The following LARP1B variants were observed in gnomAD, a reference collection of about 807,000 sequenced individuals.
The protein encoded by LARP1B is la-related protein 1B.
LARP1B carries 76 observed loss-of-function variants against 114.2 expected under a neutral mutation model. That is an observed-to-expected ratio of 0.67 (90% CI 0.55 to 0.81). The LOEUF (loss-of-function observed/expected upper bound fraction) is 0.81, where lower values mean the gene tolerates loss of function less well. Among genes scored for constraint, LARP1B ranks in the 30% least tolerant of loss-of-function variants. LARP1B has a pLI of 0.00. For synonymous variants in LARP1B, 345 were observed against 348.0 expected, an observed-to-expected ratio of 0.99 and a Z score of 0.10; for missense variants, 1,014 against 1,075.8, an observed-to-expected ratio of 0.94 and a Z score of 0.80.
chr4:128,077,362 G>A (rs1367203971), intron 3 of LARP1B, among the ~76,000 whole-genome samples: 1 of 151,924 alleles, frequency 6.6e-6, no homozygotes, highest in African/African-American at 2.4e-5. Flanking sequence ...TTAGCCAGGT[G>A]TGGTGACATG....
At chr4:128,103,251 A>G (rs1477633595) in intron 8 of LARP1B, among the ~76,000 whole-genome samples, 1 of 152,064 alleles carries the variant, frequency 6.6e-6, no homozygotes, top group Non-Finnish European at 1.5e-5. Context: ...TTATGGCCTG[A>G]GTGATGAATG....
At chr4:128,219,779 AAAACTT>A (rs1465479935) in intron 6 of LARP1B, among the ~76,000 whole-genome samples, 1 of 150,442 alleles carries the variant, frequency 6.6e-6, no homozygotes, top group Non-Finnish European at 1.5e-5. Context: ...CATGTACCCT[AAAACTT>A]AAAGTATAAT....
rs1758912194 is a variant in LARP1B at position 128,211,176 on chromosome 4, T to C, written c.*1123T>C. On this transcript the variant is annotated 3_prime_UTR_variant, in exon 20 of 20. Transcript: ENST00000326639. ...TTAATTATTTTTATTTAGAATATAG[T>C]TGAAAAGCTGTAATATTCAGTTTTG... The C allele has an allele frequency of 5.4e-6, 5 of 922,932 alleles. 1 individual carries two copies. In the South Asian group the frequency reaches 2.5e-4, roughly 46 times the overall value. 57.2% of individuals were successfully genotyped at this position (922,932 alleles called of 1,614,324 possible).
intron 14 of LARP1B, 128 bp downstream of exon 14, chr4:128,178,770 T>C (rs1747303784): frequency 3.7e-6 from 3 of 805,142 alleles, no homozygotes; most frequent in Admixed American, 2.9e-5. Context: ...TTAAAAATCA[T>C]ACTTTACCAT....
chr4:128,084,047 C>G (rs955389579), intron 5 of LARP1B, among the ~76,000 whole-genome samples: 1 of 152,034 alleles, frequency 6.6e-6, no homozygotes, highest in Non-Finnish European at 1.5e-5. Flanking sequence ...CAGAGACGCT[C>G]CTCACTTCCC....
chr4:128,166,617 A>G (rs904551042), intron 12 of LARP1B, among the ~76,000 whole-genome samples: 3 of 151,702 alleles, frequency 2.0e-5, no homozygotes, highest in African/African-American at 7.3e-5. Context: ...AAAAATACCA[A>G]ATATAATATA....
intron 12 of LARP1B, among the ~76,000 whole-genome samples, chr4:128,170,197 T>C (rs970881084): frequency 2.0e-5 from 3 of 152,210 alleles, no homozygotes; most frequent in African/African-American, 7.2e-5. Context: ...ATTTTAAAAT[T>C]TAAAATTAAT....
At chr4:128,208,958 G>A (rs1758331577) in intron 19 of LARP1B, among the ~76,000 whole-genome samples, 1 of 152,224 alleles carries the variant, frequency 6.6e-6, no homozygotes, top group Non-Finnish European at 1.5e-5. Flanking sequence ...TGGAATAGGA[G>A]TTTAGGATTG....
At chr4:128,139,567 G>C (rs1050939763) in intron 11 of LARP1B, among the ~76,000 whole-genome samples, 1 of 145,042 alleles carries the variant, frequency 6.9e-6, no homozygotes, top group African/African-American at 2.5e-5. Context: ...CTAAATGCTT[G>C]TAACTGTATA....
intron 6 of LARP1B, among the ~76,000 whole-genome samples, chr4:128,216,992 C>G (rs1759548673): frequency 6.6e-6 from 1 of 151,082 alleles, no homozygotes; most frequent in Non-Finnish European, 1.5e-5. Flanking sequence ...ATACAAACTA[C>G]CATCAGAGAA....
At chr4:128,158,030 A>G (rs1208293503) in intron 11 of LARP1B, among the ~76,000 whole-genome samples, 1 of 152,202 alleles carries the variant, frequency 6.6e-6, no homozygotes, top group Non-Finnish European at 1.5e-5. Flanking sequence ...TATTTACTCT[A>G]TCAGGCAAAG....
chr4:128,119,248 A>T lies in LARP1B; in HGVS notation c.1162-2578A>T, dbSNP rs190046808. On this transcript the variant is annotated intron_variant, in intron 10 of 19. Coordinates refer to ENST00000326639, the MANE Select transcript of LARP1B (RefSeq NM_018078.4). ...TTGGACACCTAGGCAGAGAATAGGG[A>T]TGCTGGCTCTTTTTCTCCAAAATTG... Among the ~76,000 whole-genome samples the T allele has an allele frequency of 2.0e-5, 3 of 152,316 alleles. No homozygotes were observed. The East Asian group carries it at 5.8e-4, about 29-fold the overall frequency.
intron 11 of LARP1B, among the ~76,000 whole-genome samples, chr4:128,149,102 A>T (rs1348699613): frequency 1.3e-5 from 2 of 152,218 alleles, no homozygotes; most frequent in African/African-American, 4.8e-5. Flanking sequence ...TCTGTGCATT[A>T]ACATTAGGAT....
At chr4:128,167,616 TG>T (rs1741695039) in intron 12 of LARP1B, among the ~76,000 whole-genome samples, 1 of 152,080 alleles carries the variant, frequency 6.6e-6, no homozygotes, top group South Asian at 2.1e-4. Flanking sequence ...CTGAGCTTTG[TG>T]GGTCATATTT....
At chr4:128,091,215 G>C in intron 6 of LARP1B, 71 bp downstream of exon 6, 1 of 1,559,030 alleles carries the variant, frequency 6.4e-7, no homozygotes, top group Non-Finnish European at 8.7e-7. Flanking sequence ...CCTCTATTAT[G>C]TTTTAACTAA....
At chr4:128,117,416 C>T (rs1786253198) in intron 10 of LARP1B, among the ~76,000 whole-genome samples, 1 of 151,906 alleles carries the variant, frequency 6.6e-6, no homozygotes, top group African/African-American at 2.4e-5. Context: ...GACAGAATCT[C>T]ACTCTTTTGC....
chr4:128,153,667 A>G (rs1474615236), intron 11 of LARP1B, among the ~76,000 whole-genome samples: 1 of 152,052 alleles, frequency 6.6e-6, no homozygotes, highest in East Asian at 1.9e-4. Flanking sequence ...TATTATTTTG[A>G]TAGCTTGTCT....
intron 8 of LARP1B, among the ~76,000 whole-genome samples, chr4:128,099,576 G>A (rs572159217): frequency 1.3e-5 from 2 of 152,118 alleles, no homozygotes; most frequent in South Asian, 4.2e-4. Context: ...GCAGTAGTTT[G>A]TTCTTTCATA....
chr4:128,210,380 A>T lies in LARP1B; in HGVS notation c.*327A>T, dbSNP rs1311536035. 1 of 1,080,410 alleles carries T rather than the reference A, an allele frequency of 9.3e-7. No individual in the cohort carries two copies. Among genetic ancestry groups the T allele is most frequent in the Non-Finnish European group, 1.1e-6 (1 of 888,436 alleles). 66.9% of individuals were successfully genotyped at this position (1,080,410 alleles called of 1,614,324 possible). On this transcript the variant is annotated 3_prime_UTR_variant, in exon 20 of 20. Coordinates refer to ENST00000326639, the MANE Select transcript of LARP1B (RefSeq NM_018078.4). ...GGTTTTACAAAAACAGCATTCCTTA[A>T]ATATATTTAAAAAACAATACAAGGA...
Sources: allele counts gnomAD v4.1 joint callset (sites outside exome capture counted in the v4.1 genomes callset), GRCh38; gene constraint gnomAD v4.1.1; transcripts MANE v1.5; gene names NCBI Gene and HGNC (gene_info 2026-07-23, HGNC 2026-07-21).